Variants in FAT3 observed in about 807,000 individuals in gnomAD.
FAT3 encodes protocadherin Fat 3.
In FAT3, 95 loss-of-function variants were observed where a neutral mutation model predicts 310.2. That is an observed-to-expected ratio of 0.31 (90% CI 0.26 to 0.36). FAT3 has a LOEUF of 0.36. FAT3 is among the 10% of genes least tolerant of loss of function. The probability of loss-of-function intolerance (pLI) is 1.00; values close to 1 mark genes in which losing one functional copy is unlikely to be tolerated. For missense variants in FAT3, 5,408 were observed against 5,715.6 expected, an observed-to-expected ratio of 0.95 and a Z score of 1.74; for synonymous variants, 2,314 against 2,192.9, an observed-to-expected ratio of 1.06 and a Z score of -1.54.
intron 4 of FAT3, 68 bp from the exon 5 acceptor site, chr11:92,761,788 C>T: frequency 2.1e-6 from 3 of 1,424,006 alleles, no homozygotes; most frequent in Non-Finnish European, 2.9e-6. Context: ...GAAGAAACAC[C>T]CATAGGTTAA....
intron 3 of FAT3, among the ~76,000 whole-genome samples, chr11:92,610,476 A>C (rs1020918095): frequency 1.3e-5 from 2 of 152,168 alleles, no homozygotes; most frequent in Non-Finnish European, 2.9e-5. Context: ...AAGTTGAACC[A>C]GTTGTATAGT....
chr11:92,435,731 T>C (rs948784669), intron 2 of FAT3, among the ~76,000 whole-genome samples: 1 of 151,926 alleles, frequency 6.6e-6, no homozygotes, highest in African/African-American at 2.4e-5. Context: ...CACCCAGCTC[T>C]AATTGTTGTA....
rs771480729 is a variant in FAT3, at chr11:92,844,350, C to T, written c.10983C>T (p.Phe3661=). 8 of 1,613,784 alleles carry T rather than the reference C, an allele frequency of 5.0e-6. No individual in the cohort carries two copies. The highest frequency in any genetic ancestry group is 1.6e-4 in the Middle Eastern group (1 of 6,084). ...TTGAAAATGTGTCCCCTGAGGACTT[C>T]GTGGGGCTGCACATGCATGGGTTCC... ...IRFENVSPED[F]VGLHMHGFRR... The change falls in exon 19 of 28, where the codon TTC becomes TTT. Residue 3661 remains phenylalanine (F), a synonymous_variant. Transcript: ENST00000525166.
chr11:92,687,346 G>C (rs1396532413), intron 3 of FAT3, among the ~76,000 whole-genome samples: 1 of 152,158 alleles, frequency 6.6e-6, no homozygotes, highest in Non-Finnish European at 1.5e-5. Context: ...CCAGGACTTA[G>C]ACCCAAGTTT....
chr11:92,454,114 A>G (rs899817012), intron 2 of FAT3, among the ~76,000 whole-genome samples: 5 of 152,322 alleles, frequency 3.3e-5, no homozygotes, highest in African/African-American at 1.2e-4. Flanking sequence ...TTGGTAAGAT[A>G]CTTTACATTA....
chr11:92,673,493 G>A (rs769766680), intron 3 of FAT3, among the ~76,000 whole-genome samples: 6 of 152,130 alleles, frequency 3.9e-5, no homozygotes, highest in Non-Finnish European at 5.9e-5. Context: ...GGCAGTATAC[G>A]AGTGCAAAGA....
chr11:92,718,601 T>A (rs1475872100), intron 4 of FAT3, among the ~76,000 whole-genome samples: 1 of 152,186 alleles, frequency 6.6e-6, no homozygotes, highest in African/African-American at 2.4e-5. Flanking sequence ...ATATAGCATC[T>A]GAAATTATTA....
At chr11:92,778,204 C>T (rs561266604) in intron 7 of FAT3, among the ~76,000 whole-genome samples, 37 of 152,258 alleles carry the variant, frequency 2.4e-4, no homozygotes, top group African/African-American at 8.4e-4. Flanking sequence ...TGTGCCATCC[C>T]AGGATGGCCG....
At chr11:92,840,331 G>A (rs974413120) in intron 17 of FAT3, among the ~76,000 whole-genome samples, 2 of 152,182 alleles carry the variant, frequency 1.3e-5, no homozygotes, top group Admixed American at 6.5e-5. Context: ...TGTCCCATAG[G>A]TGGTTGTGGG....
rs952923565 is a variant in FAT3 at position 92,799,083 on chromosome 11, A to C, written c.6070A>C (p.Asn2024His). 6.2e-7 allele frequency: 1 copy of C among 1,613,844 alleles called. No homozygotes were observed. The change falls in exon 10 of 28, where the codon AAT becomes CAT. Residue 2024 changes from asparagine to histidine, a missense_variant. This residue lies in a region of FAT3 where 4,588 missense variants were observed against 4,809.8 expected (regional missense o/e 0.95). Coordinates refer to ENST00000525166, the MANE Select transcript of FAT3 (RefSeq NM_001367949.2). ...PLKYSILNPG[N>H]KFKIKSTSGV... ...AAAATACAGCATCTTAAACCCAGGA[A>C]ATAAGTTCAAGATAAAATCTACCTC...
intron 19 of FAT3, 114 bp downstream of exon 19, chr11:92,844,846 A>C: frequency 8.1e-7 from 1 of 1,241,496 alleles, no homozygotes; most frequent in South Asian, 1.6e-5. Flanking sequence ...TTAAATGATC[A>C]ATTACTGTGT....
intron 2 of FAT3, among the ~76,000 whole-genome samples, chr11:92,378,338 A>T (rs1415291525): frequency 6.6e-6 from 1 of 152,150 alleles, no homozygotes; most frequent in Non-Finnish European, 1.5e-5. Context: ...TATTTCTATT[A>T]TCCAGGAGAC....
Position 92,890,655 on chromosome 11 carries a change from C to A in FAT3, c.13312C>A (p.Pro4438Thr). Reference protein sequence around the residue: ...LGGYDIDSEYPPPHEEEFLSQ... With the variant: ...LGGYDIDSEYTPPHEEEFLSQ... Reference sequence around the variant, plus strand: ...TGGTTATGACATTGACAGTGAATACCCACCCCCTCATGAAGAGGAGTTCTT... The same window carrying A: ...TGGTTATGACATTGACAGTGAATACACACCCCCTCATGAAGAGGAGTTCTT... The change falls in exon 28 of 28, where the codon CCA becomes ACA. Residue 4438 changes from proline to threonine, a missense_variant. Coordinates refer to ENST00000525166, the MANE Select transcript of FAT3 (RefSeq NM_001367949.2). 6.2e-7 allele frequency: 1 copy of A among 1,613,676 alleles called. No individual in the cohort carries two copies. The highest frequency in any genetic ancestry group is 1.1e-5 in the South Asian group (1 of 91,026).
intron 2 of FAT3, among the ~76,000 whole-genome samples, chr11:92,451,646 G>A (rs1279517953): frequency 1.3e-5 from 2 of 152,142 alleles, no homozygotes; most frequent in Non-Finnish European, 2.9e-5. Flanking sequence ...ATATTTCCAT[G>A]AAATTTAGTA....
intron 21 of FAT3, among the ~76,000 whole-genome samples, chr11:92,860,246 A>G (rs1024967066): frequency 1.1e-4 from 16 of 152,174 alleles, no homozygotes; most frequent in African/African-American, 3.9e-4. Flanking sequence ...TGTTATCCCC[A>G]TTTGATCAAG....
intron 1 of FAT3, among the ~76,000 whole-genome samples, chr11:92,256,593 A>G (rs1865328290): frequency 6.6e-6 from 1 of 152,142 alleles, no homozygotes; most frequent in East Asian, 1.9e-4. Flanking sequence ...TGTGTAAACC[A>G]AGCCCTTTCT....
At chr11:92,552,457 AT>A (rs1815660183) in intron 3 of FAT3, among the ~76,000 whole-genome samples, 1 of 152,170 alleles carries the variant, frequency 6.6e-6, no homozygotes, top group South Asian at 2.1e-4. Flanking sequence ...GAAACAAAAA[AT>A]ATTCTATTTT....
intron 19 of FAT3, among the ~76,000 whole-genome samples, chr11:92,848,331 G>T (rs1948738285): frequency 6.6e-6 from 1 of 152,112 alleles, no homozygotes. Flanking sequence ...AGATACAAAG[G>T]TCTGATGTTG....
intron 2 of FAT3, among the ~76,000 whole-genome samples, chr11:92,505,672 GTGTT>G (rs999814873): frequency 7.9e-5 from 12 of 152,106 alleles, no homozygotes; most frequent in South Asian, 4.2e-4. Flanking sequence ...GACTAACTAG[GTGTT>G]TGTTTGTTTG....
Sources: allele counts gnomAD v4.1 joint callset (sites outside exome capture counted in the v4.1 genomes callset), GRCh38; gene constraint gnomAD v4.1.1; regional missense constraint gnomAD v4.1.1; transcripts MANE v1.5; gene names NCBI Gene and HGNC (gene_info 2026-07-23, HGNC 2026-07-21).